The following FCHSD2 variants were observed in gnomAD, a reference collection of about 807,000 sequenced individuals.
FCHSD2 encodes FCH and double SH3 domains 2, also known as F-BAR and double SH3 domains protein 2.
FCHSD2 carries 38 observed loss-of-function variants against 108.1 expected under a neutral mutation model. The ratio of observed to expected loss-of-function variants is 0.35; its 90% CI spans 0.27 to 0.46. FCHSD2 has a LOEUF of 0.46. Among genes scored for constraint, FCHSD2 ranks in the 20% least tolerant of loss-of-function variants. The probability of loss-of-function intolerance (pLI) is 1.00; values close to 1 mark genes in which losing one functional copy is unlikely to be tolerated. For synonymous variants in FCHSD2, 279 were observed against 314.7 expected (o/e 0.89, Z 1.20); for missense variants, 751 against 897.8 (o/e 0.84, Z 2.09).
At position 72,921,940 on chromosome 11, in the gene FCHSD2, C is replaced by T. The variant is rs185931366; in HGVS notation, c.716G>A (p.Gly239Glu). 20 of 1,588,598 alleles carry T rather than the reference C, an allele frequency of 1.3e-5. No homozygotes were observed. Among genetic ancestry groups the T allele is most frequent in the Non-Finnish European group, 1.6e-5 (19 of 1,165,916 alleles). The part of the protein sequence containing the change: ...DLVNIMKALD[G>E]NVYDHLKDYL... ...ATCCTTGAGATGATCATACACATTT[C>T]CATCAAGAGCCTGTAATAGAGGAGT... is the stretch of plus-strand genomic sequence containing the variant. The change falls in exon 9 of 20, where the codon GGA (glycine) becomes GAA (glutamate). Residue 239 changes from glycine to glutamate, a missense_variant. By Grantham distance (98) the Gly-to-Glu change is moderately conservative. Coordinates refer to ENST00000409418, the MANE Select transcript of FCHSD2 (RefSeq NM_014824.3).
At chr11:73,068,731 A>G (rs1836568838) in intron 3 of FCHSD2, among the ~76,000 whole-genome samples, 1 of 145,980 alleles carries the variant, frequency 6.9e-6, no homozygotes, top group South Asian at 2.4e-4. Flanking sequence ...ACACTTTGGG[A>G]GGCCGAGGCA....
chr11:72,866,027 T>G (rs538680533), intron 13 of FCHSD2, among the ~76,000 whole-genome samples: 17 of 152,072 alleles, frequency 1.1e-4, no homozygotes, highest in Non-Finnish European at 1.9e-4. Flanking sequence ...CAGTTCAAAG[T>G]CAGATGGTAT....
chr11:73,112,063 T>G (rs1366688285), intron 2 of FCHSD2, among the ~76,000 whole-genome samples: 1 of 152,250 alleles, frequency 6.6e-6, no homozygotes, highest in African/African-American at 2.4e-5. Context: ...TGTTTTTCTG[T>G]GTACTTACTA....
At chr11:73,025,277 G>C (rs1056199412) in intron 3 of FCHSD2, among the ~76,000 whole-genome samples, 1 of 152,114 alleles carries the variant, frequency 6.6e-6, no homozygotes, top group Non-Finnish European at 1.5e-5. Flanking sequence ...AGAAAATGTG[G>C]TATATATATA....
intron 2 of FCHSD2, among the ~76,000 whole-genome samples, chr11:73,108,083 T>C (rs1050792861): frequency 6.7e-6 from 1 of 149,842 alleles, no homozygotes; most frequent in Non-Finnish European, 1.5e-5. Context: ...TGTTTGTTAC[T>C]GTCTGTCTTT....
At chr11:72,971,904 C>G (rs998914749) in intron 8 of FCHSD2, among the ~76,000 whole-genome samples, 1 of 151,972 alleles carries the variant, frequency 6.6e-6, no homozygotes, top group Non-Finnish European at 1.5e-5. Context: ...TGCAAAGGAA[C>G]GAGAGATAAA....
At chr11:72,978,120 T>C (rs1003780158) in intron 8 of FCHSD2, among the ~76,000 whole-genome samples, 26 of 151,962 alleles carry the variant, frequency 1.7e-4, no homozygotes, top group African/African-American at 6.0e-4. Flanking sequence ...ATGAGAACAC[T>C]TGGACACAGG....
intron 1 of FCHSD2, 125 bp downstream of exon 1, chr11:73,141,732 T>C: frequency 9.6e-7 from 1 of 1,042,514 alleles, no homozygotes; most frequent in East Asian, 3.0e-5. Context: ...GGCAAGTCGG[T>C]GACAAGCCCA....
intron 2 of FCHSD2, among the ~76,000 whole-genome samples, chr11:73,087,110 T>C (rs1324833690): frequency 6.6e-6 from 1 of 152,186 alleles, no homozygotes; most frequent in African/African-American, 2.4e-5. Flanking sequence ...AGACCTCCTA[T>C]GGGACAAGAG....
chr11:72,928,368 C>A (rs571204644), intron 8 of FCHSD2, among the ~76,000 whole-genome samples: 1 of 152,294 alleles, frequency 6.6e-6, no homozygotes, highest in East Asian at 1.9e-4. Flanking sequence ...TTAGCACCAT[C>A]TCTCATCACT....
chr11:72,907,598 G>GTTTTTTTTTTTTTTTTTTTTTTTTTTTT (rs200788964), intron 9 of FCHSD2, among the ~76,000 whole-genome samples: 2 of 72,714 alleles, frequency 2.8e-5, no homozygotes, highest in Non-Finnish European at 2.4e-5. Context: ...TAATCACGTG[G>GTTTTTTTTTTTTTTTTTTTTTTTTTTTT]GTTTTTTTTT....
At chr11:73,006,225 T>C (rs1007076765) in intron 4 of FCHSD2, among the ~76,000 whole-genome samples, 3 of 152,154 alleles carry the variant, frequency 2.0e-5, no homozygotes, top group Non-Finnish European at 4.4e-5. Flanking sequence ...GAATTTTTAA[T>C]TCCTGCCCAG....
chr11:73,133,507 C>T (rs1164632283), intron 2 of FCHSD2, among the ~76,000 whole-genome samples: 1 of 152,172 alleles, frequency 6.6e-6, no homozygotes, highest in African/African-American at 2.4e-5. Context: ...GGCGCAGTGG[C>T]TCATGCCTGT....
chr11:72,977,607 T>C (rs982836668), intron 8 of FCHSD2, among the ~76,000 whole-genome samples: 1 of 152,236 alleles, frequency 6.6e-6, no homozygotes, highest in Non-Finnish European at 1.5e-5. Context: ...AATTTTAGTA[T>C]ATGTGCTGCC....
chr11:72,843,764 T>C (rs1861038905), intron 14 of FCHSD2: 2 of 511,948 alleles, frequency 3.9e-6, no homozygotes, highest in East Asian at 3.2e-5. Context: ...CAAGAGGCAA[T>C]GACGTTCAAT....
intron 2 of FCHSD2, among the ~76,000 whole-genome samples, chr11:73,134,889 G>C (rs1861086555): frequency 6.6e-6 from 1 of 152,158 alleles, no homozygotes; most frequent in Non-Finnish European, 1.5e-5. Context: ...CTGTCACTCA[G>C]GCTGGAGTGC....
At chr11:73,084,388 CTTTTCTT>C (rs1490503501) in intron 2 of FCHSD2, among the ~76,000 whole-genome samples, 2 of 152,012 alleles carry the variant, frequency 1.3e-5, no homozygotes, top group Non-Finnish European at 2.9e-5. Context: ...ATACCCTTTT[CTTTTCTT>C]TTTTCTTTTT....
intron 2 of FCHSD2, among the ~76,000 whole-genome samples, chr11:73,134,111 A>C (rs1861066803): frequency 6.6e-6 from 1 of 151,756 alleles, no homozygotes; most frequent in Admixed American, 6.6e-5. Flanking sequence ...AAAAAAAAAA[A>C]CTCTAGACCA....
intron 8 of FCHSD2, among the ~76,000 whole-genome samples, chr11:72,934,585 C>T (rs760993270): frequency 1.1e-4 from 16 of 152,126 alleles, no homozygotes; most frequent in Non-Finnish European, 1.5e-4. Context: ...CCACTTGCCT[C>T]GGCCTCCCAA....
Sources: allele counts gnomAD v4.1 joint callset (sites outside exome capture counted in the v4.1 genomes callset), GRCh38; gene constraint gnomAD v4.1.1; transcripts MANE v1.5; gene names NCBI Gene and HGNC (gene_info 2026-07-23, HGNC 2026-07-21).